The following TMEM164 variants were observed in gnomAD, a reference collection of about 807,000 sequenced individuals.
The protein encoded by TMEM164 is RP13-360B22.2.
A neutral mutation model predicts 18.8 loss-of-function variants in TMEM164; 4 were observed. The observed-to-expected ratio is 0.21, with a 90% CI of 0.10 to 0.49. TMEM164 has a LOEUF of 0.49. Ranked by LOEUF, TMEM164 falls within the 20% of genes least tolerant of loss-of-function variation. TMEM164 has a pLI of 0.98. For synonymous variants in TMEM164, 86 were observed against 101.7 expected, an observed-to-expected ratio of 0.85 and a Z score of 0.93; for missense variants, 108 against 239.9, an observed-to-expected ratio of 0.45 and a Z score of 3.63.
intron 2 of TMEM164, among the ~76,000 whole-genome samples, chrX:110,029,359 TTTC>T (rs1265133919): frequency 8.9e-6 from 1 of 111,816 alleles, no homozygotes; most frequent in Non-Finnish European, 1.9e-5. Flanking sequence ...ACCCTTGGAC[TTTC>T]TTCTTCTTAC....
At chrX:110,041,207 A>C (rs1046110065) in intron 2 of TMEM164, among the ~76,000 whole-genome samples, 1 of 112,089 alleles carries the variant, frequency 8.9e-6, no homozygotes, top group Non-Finnish European at 1.9e-5. Context: ...TCTGGTAGGT[A>C]TCATTAATCT....
chrX:110,129,406 A>T (rs1219968911), intron 4 of TMEM164, among the ~76,000 whole-genome samples: 4 of 112,237 alleles, frequency 3.6e-5, no homozygotes, highest in Non-Finnish European at 3.8e-5. Context: ...CCCATCCCTT[A>T]TGCCCTGTGA....
intron 3 of TMEM164, among the ~76,000 whole-genome samples, chrX:110,087,484 G>A (rs1407048063): frequency 9.0e-6 from 1 of 111,457 alleles, no homozygotes. Flanking sequence ...ATACATGAAG[G>A]AAAAGGGAAC....
chrX:110,007,167 C>G (rs1048846328), intron 2 of TMEM164, among the ~76,000 whole-genome samples: 2 of 112,405 alleles, frequency 1.8e-5, no homozygotes, highest in African/African-American at 6.5e-5. Flanking sequence ...CTCATCATAG[C>G]CATGCTGCCT....
At chrX:110,119,219 A>G (rs2066415559) in intron 4 of TMEM164, among the ~76,000 whole-genome samples, 1 of 112,517 alleles carries the variant, frequency 8.9e-6, no homozygotes, top group Non-Finnish European at 1.9e-5. Context: ...GGACACTGAA[A>G]AAAAAGGTGG....
chrX:110,025,383 C>T (rs953226914), intron 2 of TMEM164, among the ~76,000 whole-genome samples: 2 of 111,507 alleles, frequency 1.8e-5, no homozygotes, highest in African/African-American at 3.3e-5. Context: ...AGTTAGAAAG[C>T]CCAACAATAT....
chrX:110,118,143 C>T (rs2066398854), intron 4 of TMEM164, among the ~76,000 whole-genome samples: 1 of 112,242 alleles, frequency 8.9e-6, no homozygotes, highest in African/African-American at 3.2e-5. Context: ...GAATTCCTGA[C>T]CTCAAATGAT....
chrX:110,148,766 T>C (rs1042296135), intron 5 of TMEM164, among the ~76,000 whole-genome samples: 5 of 105,343 alleles, frequency 4.7e-5, no homozygotes, highest in Admixed American at 3.1e-4. Flanking sequence ...GCTCAAGTGA[T>C]CTTCCCACTT....
chrX:110,117,530 C>T (rs1197800117), intron 4 of TMEM164, among the ~76,000 whole-genome samples: 1 of 111,782 alleles, frequency 8.9e-6, no homozygotes, highest in Non-Finnish European at 1.9e-5. Context: ...CCCCAAATAC[C>T]CTGACTTGAT....
At chrX:110,099,103 G>A in intron 3 of TMEM164, among the ~76,000 whole-genome samples, 1 of 109,615 alleles carries the variant, frequency 9.1e-6, no homozygotes, top group Non-Finnish European at 1.9e-5. Context: ...TGGCTGAGTT[G>A]TGTGTTTTCT....
At chrX:110,050,955 A>C (rs1321338770) in intron 2 of TMEM164, among the ~76,000 whole-genome samples, 1 of 112,353 alleles carries the variant, frequency 8.9e-6, no homozygotes, top group Non-Finnish European at 1.9e-5. Flanking sequence ...TTTCTCAGAC[A>C]GGATGTCTTT....
intron 2 of TMEM164, among the ~76,000 whole-genome samples, chrX:110,008,598 C>A (rs1405002199): frequency 9.0e-6 from 1 of 111,368 alleles, no homozygotes; most frequent in Non-Finnish European, 1.9e-5. Context: ...AGAATTTTTC[C>A]ATCTTTCATT....
chrX:110,180,541 G>T (rs777333471), downstream of TMEM164, among the ~76,000 whole-genome samples: 1 of 108,987 alleles, frequency 9.2e-6, no homozygotes, highest in East Asian at 2.8e-4. Context: ...TGCACACCTG[G>T]GATGTCTGAG....
At chrX:110,120,040 A>G (rs1316550402) in intron 4 of TMEM164, among the ~76,000 whole-genome samples, 1 of 112,233 alleles carries the variant, frequency 8.9e-6, no homozygotes, top group African/African-American at 3.2e-5. Flanking sequence ...GAACTGGCCA[A>G]TCTGCTTTTC....
intron 4 of TMEM164, among the ~76,000 whole-genome samples, chrX:110,122,724 T>C (rs1270378050): frequency 2.7e-5 from 3 of 112,109 alleles, no homozygotes; most frequent in Non-Finnish European, 5.6e-5. Context: ...TATTTGTATG[T>C]CTTTTTGGAG....
At chrX:110,150,061 C>G (rs780290536) in intron 5 of TMEM164, among the ~76,000 whole-genome samples, 1 of 111,890 alleles carries the variant, frequency 8.9e-6, no homozygotes, top group African/African-American at 3.2e-5. Context: ...GGATATGAAT[C>G]AAATATCACA....
chrX:110,101,420 T>C (rs1286851885), intron 3 of TMEM164, among the ~76,000 whole-genome samples: 1 of 111,214 alleles, frequency 9.0e-6, no homozygotes, highest in Non-Finnish European at 1.9e-5. Context: ...TAGAGTTGGT[T>C]GGAGTATTCT....
chrX:110,100,791 T>C (rs2066099394), intron 3 of TMEM164, among the ~76,000 whole-genome samples: 2 of 110,433 alleles, frequency 1.8e-5, no homozygotes, highest in South Asian at 7.8e-4. Flanking sequence ...GGGTTTCACC[T>C]TGTTAGCCAG....
intron 2 of TMEM164, among the ~76,000 whole-genome samples, chrX:110,063,372 CTGGGG>C (rs1356611860): frequency 9.0e-6 from 1 of 111,667 alleles, no homozygotes; most frequent in African/African-American, 3.3e-5. Flanking sequence ...GAATGTAACA[CTGGGG>C]TGGAGCAGAA....
Sources: gnomAD v4.1 joint callset for allele counts (sites outside exome capture counted in the v4.1 genomes callset) on GRCh38, gnomAD v4.1.1 for gene constraint, MANE v1.5 for transcripts, NCBI Gene and HGNC (gene_info 2026-07-23, HGNC 2026-07-21) for gene names.